The following ASAP1 variants were observed in gnomAD, a reference collection of about 807,000 sequenced individuals.
ASAP1 encodes the protein arf-GAP with SH3 domain, ANK repeat and PH domain-containing protein 1.
A neutral mutation model predicts 145.2 loss-of-function variants in ASAP1; 43 were observed. The observed-to-expected ratio is 0.30, with a 90% CI of 0.23 to 0.38. ASAP1 has a LOEUF of 0.38. ASAP1 is among the 10% of genes least tolerant of loss of function. The probability of loss-of-function intolerance (pLI) is 1.00; values close to 1 mark genes in which losing one functional copy is unlikely to be tolerated. For missense variants in ASAP1, 1,018 were observed against 1,355.3 expected, an observed-to-expected ratio of 0.75 and a Z score of 3.91; for synonymous variants, 546 against 515.5, an observed-to-expected ratio of 1.06 and a Z score of -0.80.
chr8:130,230,398 C>T (rs1318588985), intron 4 of ASAP1, among the ~76,000 whole-genome samples: 1 of 152,054 alleles, frequency 6.6e-6, no homozygotes, highest in African/African-American at 2.4e-5. Flanking sequence ...TAATATTATT[C>T]TGGAAAGAGA....
chr8:130,111,245 T>C (rs2097546313), intron 24 of ASAP1, among the ~76,000 whole-genome samples: 1 of 133,610 alleles, frequency 7.5e-6, no homozygotes, highest in Admixed American at 8.0e-5. Flanking sequence ...AAGCTGGGCA[T>C]GGTGCCACAC....
Position 130,072,824 on chromosome 8 carries a change from T to TGTGTGCGCGCGCGC in ASAP1, c.2701+3523_2701+3524insGCGCGCGCGCACAC. On this transcript the variant is annotated intron_variant, in intron 27 of 29. Coordinates refer to ENST00000518721, the MANE Select transcript of ASAP1 (RefSeq NM_018482.4). ...GTGTGTGTGTGTGTGTGTGTGTGTGTGCGCGCGGGGGGGGGCAGTTTTGGG... is the reference window on the plus strand; with the variant it reads ...GTGTGTGTGTGTGTGTGTGTGTGTGTGTGTGCGCGCGCGCGCGCGCGGGGGGGGGCAGTTTTGGG... Among the ~76,000 whole-genome samples, 14 of 32,304 alleles carry TGTGTGCGCGCGCGC rather than the reference T, an allele frequency of 4.3e-4. 2 individuals are homozygous for TGTGTGCGCGCGCGC. The highest frequency in any genetic ancestry group is 1.7e-3 in the South Asian group (1 of 588). The allele number at this position is 32,304 out of a possible 152,430, so 21.2% of individuals were successfully genotyped here.
intron 5 of ASAP1, 75 bp downstream of exon 5, chr8:130,214,481 A>G (rs552350721): frequency 3.7e-5 from 51 of 1,360,028 alleles, no homozygotes; most frequent in Non-Finnish European, 4.5e-5. Context: ...GGGAAGGATT[A>G]TTGAAATGTT....
At chr8:130,435,128 A>T (rs1016620506) in intron 1 of ASAP1, among the ~76,000 whole-genome samples, 8 of 152,094 alleles carry the variant, frequency 5.3e-5, no homozygotes, top group African/African-American at 1.9e-4. Context: ...CCTGGCGGGG[A>T]GGGTGACTCA....
chr8:130,360,786 C>T (rs1336314095), intron 2 of ASAP1: 1 of 152,278 alleles, frequency 6.6e-6, no homozygotes, highest in Non-Finnish European at 1.5e-5. Context: ...GCTGAAGATC[C>T]ATACCTGGAG....
intron 9 of ASAP1, among the ~76,000 whole-genome samples, chr8:130,171,179 T>C (rs1813574105): frequency 6.6e-6 from 1 of 152,204 alleles, no homozygotes; most frequent in African/African-American, 2.4e-5. Context: ...CCATGCTACA[T>C]TATTTCTAGT....
intron 3 of ASAP1, among the ~76,000 whole-genome samples, chr8:130,309,348 CCTGA>C (rs1436156569): frequency 1.3e-5 from 2 of 152,112 alleles, no homozygotes; most frequent in African/African-American, 2.4e-5. Flanking sequence ...ACTAACTCAT[CCTGA>C]CTAACAGAGA....
intron 24 of ASAP1, among the ~76,000 whole-genome samples, chr8:130,099,156 C>T (rs370752677): frequency 3.1e-4 from 47 of 151,402 alleles, no homozygotes; most frequent in African/African-American, 1.0e-3. Flanking sequence ...TGGGACTATA[C>T]GTGTACGCCA....
intron 3 of ASAP1, among the ~76,000 whole-genome samples, chr8:130,339,325 C>T (rs1008626241): frequency 6.6e-6 from 1 of 152,176 alleles, no homozygotes; most frequent in Non-Finnish European, 1.5e-5. Flanking sequence ...ACGCTGGAAA[C>T]TTTCACACCT....
At chr8:130,281,930 G>A (rs1821273124) in intron 3 of ASAP1, among the ~76,000 whole-genome samples, 1 of 152,136 alleles carries the variant, frequency 6.6e-6, no homozygotes, top group Non-Finnish European at 1.5e-5. Flanking sequence ...GCGGGGCAAG[G>A]TGGCGGGTGC....
intron 26 of ASAP1, 55 bp from the exon 27 acceptor site, chr8:130,076,461 A>G (rs2097462539): frequency 8.5e-7 from 1 of 1,175,570 alleles, no homozygotes; most frequent in African/African-American, 1.5e-5. Flanking sequence ...TATCAATAGC[A>G]AAATATTATT....
intron 1 of ASAP1, among the ~76,000 whole-genome samples, chr8:130,407,949 A>C (rs981170536): frequency 6.6e-6 from 1 of 152,188 alleles, no homozygotes; most frequent in Non-Finnish European, 1.5e-5. Flanking sequence ...CTATTTACTG[A>C]TGTAATTCTT....
In ASAP1 at chr8:130,399,877, T is replaced by C. The variant is rs1828702345; in HGVS notation, c.59+2008A>G. Among the ~76,000 whole-genome samples the C allele has an allele frequency of 2.1e-5, 3 of 144,456 alleles. No homozygotes were observed. The South Asian group carries it at 6.6e-4, about 32-fold the overall frequency. 94.8% of individuals were successfully genotyped at this position (144,456 alleles called of 152,430 possible). A position where few individuals can be genotyped will look rare whatever the true frequency, so the allele number is the denominator to read the frequency against. ...TGTTGCCCAGGCTGGAGTAGTACAATGGCGCAATCTCGGCTCACCAAAACC... is the reference window on the plus strand; with the variant it reads ...TGTTGCCCAGGCTGGAGTAGTACAACGGCGCAATCTCGGCTCACCAAAACC... On this transcript the variant is annotated intron_variant, in intron 2 of 29. Transcript: ENST00000518721.
chr8:130,089,146 G>A (rs1462984857), intron 25 of ASAP1, among the ~76,000 whole-genome samples: 1 of 152,100 alleles, frequency 6.6e-6, no homozygotes, highest in Non-Finnish European at 1.5e-5. Context: ...GAGTTTTACT[G>A]GACTGCAAAA....
At chr8:130,353,616 T>C (rs1186695140) in intron 3 of ASAP1, among the ~76,000 whole-genome samples, 1 of 152,208 alleles carries the variant, frequency 6.6e-6, no homozygotes, top group Non-Finnish European at 1.5e-5. Flanking sequence ...ATGCCTGTAA[T>C]CCCAGCACTT....
chr8:130,104,139 GTACAC>G (rs1564962390), intron 24 of ASAP1, among the ~76,000 whole-genome samples: 1 of 152,146 alleles, frequency 6.6e-6, no homozygotes, highest in Non-Finnish European at 1.5e-5. Context: ...TGGGTACTCA[GTACAC>G]AACTGAAAAA....
chr8:130,373,160 C>A (rs2138309221), intron 2 of ASAP1, among the ~76,000 whole-genome samples: 1 of 144,404 alleles, frequency 6.9e-6, no homozygotes, highest in South Asian at 2.2e-4. Flanking sequence ...AGAGTCTCAT[C>A]TTTTCTGGAA....
intron 24 of ASAP1, among the ~76,000 whole-genome samples, chr8:130,103,700 ACCATGTTGG>A (rs976570498): frequency 6.6e-6 from 1 of 151,918 alleles, no homozygotes; most frequent in African/African-American, 2.4e-5. Flanking sequence ...ATGGGGTTTC[ACCATGTTGG>A]CCAGGCTGGT....
intron 3 of ASAP1, among the ~76,000 whole-genome samples, chr8:130,262,561 C>CT (rs1264829728): frequency 1.3e-5 from 2 of 151,780 alleles, no homozygotes; most frequent in Non-Finnish European, 2.9e-5. Context: ...AGAAAGTAGC[C>CT]TTTGAATGTT....
Sources: allele counts gnomAD v4.1 joint callset (sites outside exome capture counted in the v4.1 genomes callset), GRCh38; gene constraint gnomAD v4.1.1; transcripts MANE v1.5; gene names NCBI Gene and HGNC (gene_info 2026-07-23, HGNC 2026-07-21).